The following PEX11A variants were observed in gnomAD, a reference collection of about 807,000 sequenced individuals.
PEX11A encodes the protein peroxisomal membrane protein 11A.
In PEX11A, 13 loss-of-function variants were observed where a neutral mutation model predicts 14.4. The ratio of observed to expected loss-of-function variants is 0.90; its 90% CI spans 0.59 to 1.43. PEX11A has a LOEUF of 1.43. Ranked by LOEUF, PEX11A falls within the 40% of genes most tolerant of loss-of-function variation. PEX11A has a pLI of 0.00. For missense variants in PEX11A, 290 were observed against 302.8 expected (o/e 0.96, Z 0.31); for synonymous variants, 101 against 113.0 (o/e 0.89, Z 0.67).
In PEX11A at chr15:89,686,447, C is replaced by G. The variant is rs747801046; in HGVS notation, c.156G>C (p.Val52=). The change falls in exon 2 of 3, where the codon GTG becomes GTC. Residue 52 remains valine (V), a synonymous_variant. Transcript: ENST00000300056. ...VMKLKKLESS[V]STGRKWFRLG... is the part of the protein sequence containing the mutation. ...GGTACTTACATTTACGACCAGTGCT[C>G]ACACTGGACTCCAGTTTCTTGAGCT... is the stretch of plus-strand genomic sequence containing the variant. The G allele has an allele frequency of 1.9e-6, 3 of 1,538,498 alleles. No individual in the cohort carries two copies. The Admixed American group carries it at 5.0e-5, about 26-fold the overall frequency.
intron 2 of PEX11A, among the ~76,000 whole-genome samples, chr15:89,685,330 CACTA>C (rs1964662274): frequency 6.6e-6 from 1 of 151,708 alleles, no homozygotes; most frequent in Non-Finnish European, 1.5e-5. Context: ...CTGGCCCTTG[CACTA>C]ACTGGCTGAA....
At chr15:89,687,064 CAG>C (rs1964688665) in intron 1 of PEX11A, among the ~76,000 whole-genome samples, 1 of 152,086 alleles carries the variant, frequency 6.6e-6, no homozygotes, top group African/African-American at 2.4e-5. Context: ...GCTGGGATTA[CAG>C]GTGTGTGCCA....
chr15:89,682,849 C>A lies in PEX11A; in HGVS notation c.*528G>T. 1 of 154,498 alleles carries A rather than the reference C, an allele frequency of 6.5e-6. No homozygotes were observed. Among genetic ancestry groups the A allele is most frequent in the Non-Finnish European group, 1.4e-5 (1 of 69,648 alleles). 9.6% of individuals were successfully genotyped at this position (154,498 alleles called of 1,614,324 possible). On this transcript the variant is annotated 3_prime_UTR_variant, in exon 3 of 3. Coordinates refer to ENST00000300056, the MANE Select transcript of PEX11A (RefSeq NM_003847.3). Reference sequence around the variant, plus strand: ...TTTCTGATTCTACTTCTGCACAGAGCAAGGACATGAGTGCAGTGATGGTAT... The same window carrying A: ...TTTCTGATTCTACTTCTGCACAGAGAAAGGACATGAGTGCAGTGATGGTAT...
intron 1 of PEX11A, among the ~76,000 whole-genome samples, chr15:89,687,027 G>T (rs777655250): frequency 3.3e-5 from 5 of 151,942 alleles, no homozygotes; most frequent in Non-Finnish European, 5.9e-5. Flanking sequence ...TGGTTCAAGC[G>T]ATTCTCCTGT....
chr15:89,688,246 G>A (rs1437793788), intron 1 of PEX11A: 13 of 528,012 alleles, frequency 2.5e-5, no homozygotes, highest in African/African-American at 7.7e-5. Context: ...AATGTTCACC[G>A]TGTTTGCATG....
chr15:89,686,677 T>C (rs1964681699), intron 1 of PEX11A, 131 bp from the exon 2 acceptor site: 1 of 571,840 alleles, frequency 1.7e-6, no homozygotes, highest in South Asian at 2.2e-5. Context: ...TAGCAACTCT[T>C]ACAAAAGCAA....
At chr15:89,688,256 G>A (rs1009803389) in intron 1 of PEX11A, 22 of 524,006 alleles carry the variant, frequency 4.2e-5, no homozygotes, top group African/African-American at 3.6e-4. Flanking sequence ...GTGTTTGCAT[G>A]AGCATTATTG....
Position 89,683,410 on chromosome 15 carries a change from C to T in PEX11A, c.711G>A (p.Val237=), listed in dbSNP as rs1354093106. The change falls in exon 3 of 3, where the codon GTG becomes GTA. Residue 237 remains valine (V), a synonymous_variant. Coordinates refer to ENST00000300056, the MANE Select transcript of PEX11A (RefSeq NM_003847.3). ...LVSSIAGMIT[V]AYPQMKLKTR ...TCTTCAGCTTCATCTGAGGATATGC[C>T]ACAGTGATCATGCCTGCTATAGAGG... The T allele has an allele frequency of 6.2e-7, 1 of 1,613,764 alleles. No homozygotes were observed. The highest frequency in any genetic ancestry group is 8.5e-7 in the Non-Finnish European group (1 of 1,179,912).
rs2141548072 is a variant in PEX11A, at chr15:89,683,779, G to C, written c.342C>G (p.Ile114Met). 6.2e-7 allele frequency: 1 copy of C among 1,614,138 alleles called. No homozygotes were observed. The highest frequency in any genetic ancestry group is 1.7e-5 in the Admixed American group (1 of 60,016). ...WVRSVGLTSG[I>M]NKEKWRTRAA... The stretch of plus-strand genomic sequence containing the variant: ...CCCTCGTTCGCCATTTCTCTTTGTT[G>C]ATGCCAGAGGTGAGACCTACGCTCC... The change falls in exon 3 of 3, where the codon ATC becomes ATG. Residue 114 changes from isoleucine to methionine, a missense_variant. Ile to Met is a conservative substitution (Grantham distance 10). Coordinates refer to ENST00000300056, the MANE Select transcript of PEX11A (RefSeq NM_003847.3).
rs1340238151 is a variant in PEX11A at position 89,690,624 on chromosome 15, G to A, written c.9C>T (p.Ala3=). ...GGGTCTGGTTGGTGAAGCGGGTGAA[G>A]GCGTCCATGGCTTCTAGCCCAAAGG... The part of the protein sequence containing the change: MD[A]FTRFTNQTQG... The change falls in exon 1 of 3, where the codon GCC becomes GCT. Residue 3 remains alanine (A), a synonymous_variant. Coordinates refer to ENST00000300056, the MANE Select transcript of PEX11A (RefSeq NM_003847.3). The A allele has an allele frequency of 1.3e-6, 2 of 1,551,310 alleles. No individual in the cohort carries two copies. The highest frequency in any genetic ancestry group is 1.7e-6 in the Non-Finnish European group (2 of 1,146,872).
In PEX11A at chr15:89,682,373, C is replaced by T. The variant is rs1453258798; in HGVS notation, c.*1004G>A. 6.6e-6 allele frequency: 1 copy of T among 152,210 alleles called. No homozygotes were observed. Among genetic ancestry groups the T allele is most frequent in the Non-Finnish European group, 1.5e-5 (1 of 68,110 alleles). The allele number at this position is 152,210 out of a possible 1,614,324, so 9.4% of individuals were successfully genotyped here. A position where few individuals can be genotyped will look rare whatever the true frequency, so the allele number is the denominator to read the frequency against. On this transcript the variant is annotated 3_prime_UTR_variant, in exon 3 of 3. Coordinates refer to ENST00000300056, the MANE Select transcript of PEX11A (RefSeq NM_003847.3). ...ACACTTTGTTGTAGAGAAGGAGTCTCACTACATTGCCCAGGCTGGTCTTGA... is the reference window on the plus strand; with the variant it reads ...ACACTTTGTTGTAGAGAAGGAGTCTTACTACATTGCCCAGGCTGGTCTTGA...
intron 1 of PEX11A, among the ~76,000 whole-genome samples, chr15:89,690,147 T>C (rs1964790006): frequency 6.6e-6 from 1 of 152,078 alleles, no homozygotes; most frequent in Non-Finnish European, 1.5e-5. Context: ...AAGAGAGATA[T>C]TTGAAGTCAC....
intron 2 of PEX11A, among the ~76,000 whole-genome samples, chr15:89,684,802 A>G (rs1964653236): frequency 6.6e-6 from 1 of 152,236 alleles, no homozygotes; most frequent in African/African-American, 2.4e-5. Flanking sequence ...ATAGTACTAA[A>G]TGTCACGGAG....
At chr15:89,683,972 G>A in intron 2 of PEX11A, 24 bp from the exon 3 acceptor site, 1 of 1,486,514 alleles carries the variant, frequency 6.7e-7, no homozygotes, top group Admixed American at 1.7e-5. Context: ...CCACAATAGT[G>A]AACAGTTATT....
chr15:89,688,579 G>A (rs1964716945), intron 1 of PEX11A, among the ~76,000 whole-genome samples: 4 of 151,936 alleles, frequency 2.6e-5, no homozygotes. Context: ...ATTTAGTAGA[G>A]ATGGGGTTTC....
At position 89,690,649 on chromosome 15, in the gene PEX11A, G is replaced by A; in HGVS notation, c.-17C>T. On this transcript the variant is annotated 5_prime_UTR_variant, in exon 1 of 3. Transcript: ENST00000300056. ...GGCGTCCATGGCTTCTAGCCCAAAG[G>A]CCACGAGTCGCACGGGGCTCAGGCG... 1 of 1,548,206 alleles carries A rather than the reference G, an allele frequency of 6.5e-7. No individual in the cohort carries two copies. Among genetic ancestry groups the A allele is most frequent in the Non-Finnish European group, 8.7e-7 (1 of 1,144,448 alleles).
intron 2 of PEX11A, among the ~76,000 whole-genome samples, chr15:89,686,090 T>C (rs1972435): frequency 0.85 from 128,811 of 152,200 alleles, 55,752 homozygotes; most frequent in Non-Finnish European, 0.92. Flanking sequence ...TTGTTTAGAA[T>C]AAAGGGGCTC....
Position 89,690,719 on chromosome 15 carries a change from C to T in PEX11A, c.-87G>A. ...CGGATCCCCAGGGAACGGTCAGTCC[C>T]AGGTTATCCGCTGAGGGGGAGGGGC... On this transcript the variant is annotated 5_prime_UTR_variant, in exon 1 of 3. Transcript: ENST00000300056. 1.0e-6 allele frequency: 1 copy of T among 959,160 alleles called. No homozygotes were observed. The highest frequency in any genetic ancestry group is 1.6e-6 in the Non-Finnish European group (1 of 631,030). 59.4% of individuals were successfully genotyped at this position (959,160 alleles called of 1,614,324 possible).
rs1294188402 is a variant in PEX11A, at chr15:89,683,934, T to C, written c.187A>G (p.Asn63Asp). 2 of 1,611,262 alleles carry C rather than the reference T, an allele frequency of 1.2e-6. No individual in the cohort carries two copies. Among genetic ancestry groups the C allele is most frequent in the Non-Finnish European group, 1.7e-6 (2 of 1,178,038 alleles). Residue 63 changes from asparagine (N) to aspartate (D), a missense_variant, in exon 3 of 3, where the codon AAT (asparagine) becomes GAT (aspartate). Transcript: ENST00000300056. ...GTTGCCTGTATAGCATGTACCACAT[T>C]GCCTAGTCTGAACCCTGCAAGTAGA... ...STGRKWFRLG[N>D]VVHAIQATEQ...
Sources: allele counts gnomAD v4.1 joint callset (sites outside exome capture counted in the v4.1 genomes callset), GRCh38; gene constraint gnomAD v4.1.1; transcripts MANE v1.5; gene names NCBI Gene and HGNC (gene_info 2026-07-23, HGNC 2026-07-21).